The following LARP1B variants were observed in gnomAD, a reference collection of about 807,000 sequenced individuals.
The protein encoded by LARP1B is La ribonucleoprotein 1B.
Under a neutral mutation model 114.2 loss-of-function variants are expected in LARP1B, and 76 were observed. That is an observed-to-expected ratio of 0.67 (90% CI 0.55 to 0.81). LARP1B has a LOEUF of 0.81. LARP1B is among the 30% of genes least tolerant of loss of function. The pLI, the probability that LARP1B is intolerant of heterozygous loss-of-function variation, is 0.00. For missense variants in LARP1B, 1,014 were observed against 1,075.8 expected (o/e 0.94, Z 0.80); for synonymous variants, 345 against 348.0 (o/e 0.99, Z 0.10).
rs1273063801 is a variant in LARP1B at position 128,178,518 on chromosome 4, C to G, written c.1772C>G (p.Pro591Arg). Residue 591 changes from proline (P) to arginine (R), a missense_variant, in exon 14 of 20, where the codon CCA becomes CGA. Pro to Arg is a moderately radical substitution (Grantham distance 103). Coordinates refer to ENST00000326639, the MANE Select transcript of LARP1B (RefSeq NM_018078.4). The part of the protein sequence containing the change: ...AMVHSLPTAV[P>R]ESPRIHPTRT... The stretch of plus-strand genomic sequence containing the variant: ...GTTCATTCGTTGCCTACAGCAGTTC[C>G]AGAATCTCCTAGAATTCATCCTACA... 1 of 1,613,978 alleles carries G rather than the reference C, an allele frequency of 6.2e-7. No individual in the cohort carries two copies.
intron 11 of LARP1B, among the ~76,000 whole-genome samples, chr4:128,147,728 A>C (rs943205761): frequency 6.6e-6 from 1 of 152,200 alleles, no homozygotes; most frequent in Non-Finnish European, 1.5e-5. Flanking sequence ...TGAGTTTCTG[A>C]AGTGTCTTCA....
chr4:128,164,498 T>C (rs1739854150), intron 12 of LARP1B, among the ~76,000 whole-genome samples: 1 of 152,028 alleles, frequency 6.6e-6, no homozygotes, highest in Non-Finnish European at 1.5e-5. Context: ...AAAATTAATA[T>C]GAAAAATGGC....
At chr4:128,069,579 T>C (rs1764392672) in intron 1 of LARP1B, 6 of 726,292 alleles carry the variant, frequency 8.3e-6, no homozygotes, top group South Asian at 7.2e-5. Context: ...GTGCATTTTC[T>C]CCATAGCTCC....
chr4:128,199,305 T>G (rs1221003279), intron 15 of LARP1B, 134 bp from the exon 16 acceptor site: 6 of 514,312 alleles, frequency 1.2e-5, no homozygotes, highest in African/African-American at 2.0e-5. Context: ...ATGTCATTAA[T>G]TTAGGAGAGT....
intron 1 of LARP1B, among the ~76,000 whole-genome samples, chr4:128,062,514 T>A (rs1760603626): frequency 6.6e-6 from 1 of 151,624 alleles, no homozygotes; most frequent in South Asian, 2.1e-4. Context: ...CGATTGTGTT[T>A]TGTCCCCAGT....
intron 8 of LARP1B, among the ~76,000 whole-genome samples, chr4:128,103,180 C>G (rs1006480275): frequency 6.6e-6 from 1 of 152,044 alleles, no homozygotes; most frequent in Non-Finnish European, 1.5e-5. Flanking sequence ...TTTTATAACT[C>G]GATGTTTCTT....
Position 128,210,477 on chromosome 4 carries a change from A to C in LARP1B, c.*424A>C. 1 of 991,894 alleles carries C rather than the reference A, an allele frequency of 1.0e-6. No individual in the cohort carries two copies. The highest frequency in any genetic ancestry group is 1.2e-6 in the Non-Finnish European group (1 of 832,904). 61.4% of individuals were successfully genotyped at this position (991,894 alleles called of 1,614,324 possible). A position where few individuals can be genotyped will look rare whatever the true frequency, so the allele number is the denominator to read the frequency against. ...TGTATTCTCTTCTTAGAGCTTTCTT[A>C]AAGAATCCACAATCCAATTACCCCA... On this transcript the variant is annotated 3_prime_UTR_variant, in exon 20 of 20. Transcript: ENST00000326639.
intron 5 of LARP1B, among the ~76,000 whole-genome samples, chr4:128,089,758 C>T (rs12506549): frequency 0.6 from 90,733 of 151,042 alleles, 28,186 homozygotes; most frequent in Middle Eastern, 0.8. Flanking sequence ...TAAGGCTGAA[C>T]ACTGTTTTCG....
intron 15 of LARP1B, among the ~76,000 whole-genome samples, chr4:128,194,829 T>C (rs1265750319): frequency 6.6e-6 from 1 of 151,500 alleles, no homozygotes; most frequent in African/African-American, 2.4e-5. Context: ...ATGGGGCCAC[T>C]GCACTCCAAC....
intron 10 of LARP1B, among the ~76,000 whole-genome samples, chr4:128,118,082 ATTTTTT>A (rs34699544): frequency 5.2e-5 from 4 of 76,748 alleles, no homozygotes; most frequent in African/African-American, 1.1e-4. Context: ...GGCCCGGCTA[ATTTTTT>A]TTTTTTTTTT....
chr4:128,072,933 T>TAA (rs1442671276), intron 1 of LARP1B, among the ~76,000 whole-genome samples: 1 of 152,194 alleles, frequency 6.6e-6, no homozygotes, highest in East Asian at 1.9e-4. Flanking sequence ...GTCTGATTTC[T>TAA]AAAAGTTATA....
At chr4:128,113,715 C>T (rs1784870344) in intron 9 of LARP1B, among the ~76,000 whole-genome samples, 1 of 151,146 alleles carries the variant, frequency 6.6e-6, no homozygotes, top group Non-Finnish European at 1.5e-5. Flanking sequence ...TTTTAAGTTC[C>T]AACAATTTTT....
At chr4:128,138,096 A>T (rs1310164245) in intron 11 of LARP1B, among the ~76,000 whole-genome samples, 2 of 152,222 alleles carry the variant, frequency 1.3e-5, no homozygotes, top group Non-Finnish European at 2.9e-5. Context: ...AATTAGCAAT[A>T]TAAACTCCCA....
intron 11 of LARP1B, among the ~76,000 whole-genome samples, chr4:128,130,634 G>A (rs557507674): frequency 3.3e-5 from 5 of 152,144 alleles, no homozygotes; most frequent in South Asian, 2.1e-4. Flanking sequence ...TGACAATTTC[G>A]TATAAAACTG....
intron 9 of LARP1B, among the ~76,000 whole-genome samples, chr4:128,109,243 C>T (rs187976657): frequency 5.9e-5 from 9 of 152,160 alleles, no homozygotes; most frequent in African/African-American, 2.2e-4. Context: ...AGATAAGAAG[C>T]ATAGACTGTG....
At position 128,122,156 on chromosome 4, in the gene LARP1B, G is replaced by A; in HGVS notation, c.1492G>A (p.Glu498Lys). Residue 498 changes from glutamate to lysine, a missense_variant, in exon 11 of 20, where the codon GAA (glutamate) becomes AAA (lysine). Glu to Lys is a moderately conservative substitution (Grantham distance 56). Transcript: ENST00000326639. ...LYYYEQDLWM[E>K]EDENKHTAIK... The stretch of plus-strand genomic sequence containing the variant: ...CTATTATGAACAGGATCTATGGATG[G>A]AAGAAGATGAAAACAAACACACAGC... 1 of 1,613,878 alleles carries A rather than the reference G, an allele frequency of 6.2e-7. No individual in the cohort carries two copies. Among genetic ancestry groups the A allele is most frequent in the South Asian group, 1.1e-5 (1 of 91,042 alleles).
intron 12 of LARP1B, among the ~76,000 whole-genome samples, chr4:128,164,326 TA>T (rs1739781841): frequency 6.6e-6 from 1 of 152,144 alleles, no homozygotes; most frequent in Non-Finnish European, 1.5e-5. Context: ...GCTGTTCAGT[TA>T]AATTGCTGGA....
In LARP1B at chr4:128,098,276, T is replaced by C; in HGVS notation, c.759T>C (p.Ile253=). The change falls in exon 8 of 20, where the codon ATT becomes ATC. Residue 253 remains isoleucine (I), a synonymous_variant. Transcript: ENST00000326639. ...AAGGTTTCTTGCCTATTTCCCTGAT[T>C]GCTGGTTTTCAGCGTGTTCAGGCTC... ...DEQGFLPISL[I]AGFQRVQALT... 1.1e-5 allele frequency: 17 copies of C among 1,614,070 alleles called. No individual in the cohort carries two copies. Among genetic ancestry groups the C allele is most frequent in the Non-Finnish European group, 1.4e-5 (16 of 1,179,932 alleles).
intron 11 of LARP1B, among the ~76,000 whole-genome samples, chr4:128,141,049 C>T (rs1403276484): frequency 6.6e-6 from 1 of 151,864 alleles, no homozygotes; most frequent in African/African-American, 2.4e-5. Context: ...CTCCTGACCT[C>T]GTGATCCACC....
Sources: gnomAD v4.1 joint callset for allele counts (sites outside exome capture counted in the v4.1 genomes callset) on GRCh38, gnomAD v4.1.1 for gene constraint, MANE v1.5 for transcripts, NCBI Gene and HGNC (gene_info 2026-07-23, HGNC 2026-07-21) for gene names.